The following RBFOX1 variants were observed in gnomAD, a reference collection of about 807,000 sequenced individuals.
RBFOX1 encodes the protein RNA binding fox-1 homolog 1, also known as RNA binding protein fox-1 homolog 1.
Under a neutral mutation model 57.7 loss-of-function variants are expected in RBFOX1, and 8 were observed. The ratio of observed to expected loss-of-function variants is 0.14; its 90% CI spans 0.08 to 0.25. RBFOX1 has a LOEUF of 0.25. RBFOX1 is among the 10% of genes least tolerant of loss of function. RBFOX1 has a pLI of 1.00. For synonymous variants in RBFOX1, 326 were observed against 222.4 expected (o/e 1.47, Z -4.15); for missense variants, 611 against 548.5 (o/e 1.11, Z -1.14).
At chr16:7,475,763 T>C (rs771045597) in intron 4 of RBFOX1, among the ~76,000 whole-genome samples, 1 of 152,168 alleles carries the variant, frequency 6.6e-6, no homozygotes, top group Non-Finnish European at 1.5e-5. Flanking sequence ...TATGAGAATT[T>C]GATTGTGTTA....
intron 1 of RBFOX1, among the ~76,000 whole-genome samples, chr16:6,108,304 T>C (rs776258621): frequency 6.6e-6 from 1 of 152,190 alleles, no homozygotes; most frequent in Non-Finnish European, 1.5e-5. Context: ...TTCTGAGTTC[T>C]GACAGCTCTG....
chr16:7,018,466 C>T (rs568245570), intron 3 of RBFOX1, among the ~76,000 whole-genome samples: 9 of 152,256 alleles, frequency 5.9e-5, no homozygotes, highest in African/African-American at 2.2e-4. Flanking sequence ...AACGTCTAAT[C>T]CAGTCTATCA....
At chr16:7,605,298 T>G (rs1408556632) in intron 9 of RBFOX1, among the ~76,000 whole-genome samples, 1 of 152,164 alleles carries the variant, frequency 6.6e-6, no homozygotes, top group Non-Finnish European at 1.5e-5. Context: ...AGGCAAGATG[T>G]GATTAATACA....
intron 3 of RBFOX1, among the ~76,000 whole-genome samples, chr16:6,699,595 C>G (rs139673661): frequency 6.6e-6 from 1 of 152,214 alleles, no homozygotes; most frequent in Non-Finnish European, 1.5e-5. Context: ...CAAATGGGCT[C>G]TTTAAACTGT....
chr16:5,873,639 A>G (rs116702859), intron 4 of RBFOX1, among the ~76,000 whole-genome samples: 329 of 152,328 alleles, frequency 2.2e-3, no homozygotes, highest in African/African-American at 7.6e-3. Context: ...ACACTATCAT[A>G]CCCTCAAATA....
At chr16:5,726,509 G>T (rs1437422166) in intron 3 of RBFOX1, among the ~76,000 whole-genome samples, 2 of 152,114 alleles carry the variant, frequency 1.3e-5, no homozygotes, top group Non-Finnish European at 2.9e-5. Flanking sequence ...GACCAGAATT[G>T]CTGGGCCAGC....
At position 7,260,951 on chromosome 16, in the gene RBFOX1, G is replaced by A. The variant is rs571411067; in HGVS notation, c.27+208853G>A. 7.9e-5 allele frequency among the ~76,000 whole-genome samples: 12 copies of A among 152,280 alleles called. No individual in the cohort carries two copies. The South Asian group carries it at 2.5e-3, about 32-fold the overall frequency. ...GCTAGGCTCTGGCCAAACACCTACAGCCCCTTCAAGGGTCAAGAAAGTTCA... is the reference window on the plus strand; with the variant it reads ...GCTAGGCTCTGGCCAAACACCTACAACCCCTTCAAGGGTCAAGAAAGTTCA... On this transcript the variant is annotated intron_variant, in intron 4 of 15. Coordinates refer to ENST00000550418, the MANE Select transcript of RBFOX1 (RefSeq NM_018723.4).
At chr16:6,560,174 C>CAAAAA (rs5815323) in intron 2 of RBFOX1, among the ~76,000 whole-genome samples, 7 of 121,488 alleles carry the variant, frequency 5.8e-5, no homozygotes, top group Admixed American at 8.9e-5. Flanking sequence ...TGCCATTTAT[C>CAAAAA]AAAAAAAAAA....
intron 10 of RBFOX1, among the ~76,000 whole-genome samples, chr16:7,622,748 C>A (rs2059502206): frequency 6.6e-6 from 1 of 152,072 alleles, no homozygotes; most frequent in African/African-American, 2.4e-5. Context: ...ACAATTAAAA[C>A]ATGATTTGAT....
At chr16:5,705,409 G>A (rs2051204719) in intron 3 of RBFOX1, among the ~76,000 whole-genome samples, 1 of 152,096 alleles carries the variant, frequency 6.6e-6, no homozygotes, top group Non-Finnish European at 1.5e-5. Context: ...CTACAGGCAT[G>A]CACCACCATG....
intron 3 of RBFOX1, among the ~76,000 whole-genome samples, chr16:6,698,955 C>G (rs1207046431): frequency 6.6e-6 from 1 of 152,106 alleles, no homozygotes; most frequent in Non-Finnish European, 1.5e-5. Context: ...GACTCTAGAA[C>G]AAGGGGTGAT....
chr16:5,793,149 T>G (rs1437239755), intron 3 of RBFOX1, among the ~76,000 whole-genome samples: 1 of 152,178 alleles, frequency 6.6e-6, no homozygotes, highest in Non-Finnish European at 1.5e-5. Context: ...CCTTTCTCTC[T>G]GGCTGGTCTC....
At chr16:6,495,103 C>A (rs190707568) in intron 2 of RBFOX1, among the ~76,000 whole-genome samples, 1 of 152,124 alleles carries the variant, frequency 6.6e-6, no homozygotes, top group Non-Finnish European at 1.5e-5. Context: ...AATGTCCCCG[C>A]TTTCTTTTGT....
chr16:6,769,104 G>C (rs553931380), intron 3 of RBFOX1, among the ~76,000 whole-genome samples: 1 of 152,242 alleles, frequency 6.6e-6, no homozygotes, highest in South Asian at 2.1e-4. Context: ...GAATTCCCAC[G>C]TGTTGTGTGA....
At chr16:5,458,117 A>T (rs1319085785) in intron 1 of RBFOX1, among the ~76,000 whole-genome samples, 1 of 152,190 alleles carries the variant, frequency 6.6e-6, no homozygotes. Flanking sequence ...TCTATTTGCA[A>T]TGGATATCAA....
intron 2 of RBFOX1, among the ~76,000 whole-genome samples, chr16:6,580,645 G>C (rs1450954297): frequency 6.6e-6 from 1 of 152,150 alleles, no homozygotes; most frequent in African/African-American, 2.4e-5. Context: ...TGATTCTTTT[G>C]TGGGGTATAC....
chr16:7,152,913 C>G (rs931286897), intron 4 of RBFOX1, among the ~76,000 whole-genome samples: 17 of 152,164 alleles, frequency 1.1e-4, no homozygotes, highest in African/African-American at 3.9e-4. Flanking sequence ...GAGATGTTTT[C>G]TGAGAACAAA....
intron 1 of RBFOX1, among the ~76,000 whole-genome samples, chr16:6,132,922 G>T (rs1400747648): frequency 6.7e-6 from 1 of 148,958 alleles, no homozygotes; most frequent in Non-Finnish European, 1.5e-5. Flanking sequence ...CCGAGATCAT[G>T]CCACTGCACT....
chr16:5,994,766 C>G (rs2060463549), intron 4 of RBFOX1, among the ~76,000 whole-genome samples: 1 of 152,196 alleles, frequency 6.6e-6, no homozygotes, highest in Non-Finnish European at 1.5e-5. Context: ...ATGAGCCCTA[C>G]TCCACACCAC....
Sources: gnomAD v4.1 joint callset for allele counts (sites outside exome capture counted in the v4.1 genomes callset) on GRCh38, gnomAD v4.1.1 for gene constraint, MANE v1.5 for transcripts, NCBI Gene and HGNC (gene_info 2026-07-23, HGNC 2026-07-21) for gene names.